The following KCNC2 variants were observed in gnomAD, a reference collection of about 807,000 sequenced individuals.
The protein encoded by KCNC2 is potassium voltage-gated channel subfamily C member 2, also known as voltage-gated potassium channel KCNC2.
Under a neutral mutation model 44.5 loss-of-function variants are expected in KCNC2, and 21 were observed. The ratio of observed to expected loss-of-function variants is 0.47; its 90% CI spans 0.33 to 0.68. KCNC2 has a LOEUF of 0.68. Among genes scored for constraint, KCNC2 ranks in the 30% least tolerant of loss-of-function variants. The probability of loss-of-function intolerance (pLI) is 0.01; values close to 1 mark genes in which losing one functional copy is unlikely to be tolerated. For synonymous variants in KCNC2, 391 were observed against 339.1 expected (o/e 1.15, Z -1.68); for missense variants, 589 against 826.2 (o/e 0.71, Z 3.52).
At chr12:75,092,004 A>G (rs1885521420) in intron 2 of KCNC2, among the ~76,000 whole-genome samples, 1 of 151,690 alleles carries the variant, frequency 6.6e-6, no homozygotes, top group African/African-American at 2.4e-5. Flanking sequence ...TCCCTTAAAT[A>G]TCAGGATCAT....
chr12:75,133,850 T>C (rs776955514), intron 2 of KCNC2, among the ~76,000 whole-genome samples: 12 of 151,004 alleles, frequency 7.9e-5, no homozygotes, highest in Admixed American at 3.3e-4. Flanking sequence ...AACAAGAGAG[T>C]GATGAAACAA....
At chr12:75,067,630 A>G (rs1173714914) in intron 2 of KCNC2, among the ~76,000 whole-genome samples, 1 of 152,166 alleles carries the variant, frequency 6.6e-6, no homozygotes, top group African/African-American at 2.4e-5. Context: ...GAAAAATAAT[A>G]TCCAAAATCT....
At chr12:75,111,449 T>C (rs1887234599) in intron 2 of KCNC2, among the ~76,000 whole-genome samples, 1 of 152,126 alleles carries the variant, frequency 6.6e-6, no homozygotes, top group Non-Finnish European at 1.5e-5. Flanking sequence ...AACAATTGTG[T>C]ACACATTTCC....
intron 2 of KCNC2, among the ~76,000 whole-genome samples, chr12:75,160,525 C>T (rs1891054595): frequency 1.3e-5 from 2 of 151,894 alleles, no homozygotes; most frequent in South Asian, 2.1e-4. Context: ...AGTTCTATAA[C>T]TCAAATGATT....
intron 2 of KCNC2, among the ~76,000 whole-genome samples, chr12:75,057,102 A>G (rs986594957): frequency 2.6e-5 from 4 of 152,050 alleles, no homozygotes; most frequent in Non-Finnish European, 2.9e-5. Flanking sequence ...CAAAATTCAA[A>G]GTAAGTAATA....
chr12:75,058,567 C>T (rs1203509329), intron 2 of KCNC2, among the ~76,000 whole-genome samples: 2 of 152,050 alleles, frequency 1.3e-5, no homozygotes, highest in African/African-American at 4.8e-5. Flanking sequence ...AGCTTACAAA[C>T]ACCTGCTGAA....
chr12:75,206,010 CAATGCTTT>C (rs1398115016), intron 2 of KCNC2, among the ~76,000 whole-genome samples: 5 of 151,900 alleles, frequency 3.3e-5, no homozygotes, highest in African/African-American at 1.2e-4. Flanking sequence ...AAAGGAGTAG[CAATGCTTT>C]AAATTGTCTC....
intron 2 of KCNC2, among the ~76,000 whole-genome samples, chr12:75,063,399 G>A (rs915894697): frequency 1.3e-5 from 2 of 151,940 alleles, no homozygotes; most frequent in East Asian, 1.9e-4. Context: ...GGATTGAATT[G>A]ATTCAATCCA....
chr12:75,149,683 C>A (rs1191695036), intron 2 of KCNC2, among the ~76,000 whole-genome samples: 1 of 151,230 alleles, frequency 6.6e-6, no homozygotes, highest in Admixed American at 6.6e-5. Context: ...TTGAATTGTG[C>A]CCCAGAATTT....
chr12:75,105,525 C>T (rs139911725), intron 2 of KCNC2, among the ~76,000 whole-genome samples: 6 of 152,174 alleles, frequency 3.9e-5, no homozygotes, highest in Non-Finnish European at 7.4e-5. Context: ...GCAGGAGGCC[C>T]ATTAGAAAGC....
At chr12:75,129,272 C>T (rs2199076) in intron 2 of KCNC2, among the ~76,000 whole-genome samples, 19,345 of 152,132 alleles carry the variant, frequency 0.13, 1,371 homozygotes, top group Middle Eastern at 0.25. Context: ...ATGACGCTAA[C>T]AGGCTGCAGA....
At chr12:75,153,850 C>T (rs1400571032) in intron 2 of KCNC2, among the ~76,000 whole-genome samples, 4 of 151,670 alleles carry the variant, frequency 2.6e-5, no homozygotes, top group African/African-American at 9.7e-5. Flanking sequence ...TGTCTTCACC[C>T]TCATTATCTT....
chr12:75,149,691 T>C (rs1890257913), intron 2 of KCNC2, among the ~76,000 whole-genome samples: 6 of 151,638 alleles, frequency 4.0e-5, no homozygotes, highest in Admixed American at 3.3e-4. Context: ...TGCCCCAGAA[T>C]TTAAAGTAAC....
At chr12:75,135,326 T>C (rs1296075544) in intron 2 of KCNC2, among the ~76,000 whole-genome samples, 14 of 151,884 alleles carry the variant, frequency 9.2e-5, no homozygotes, top group Non-Finnish European at 2.9e-5. Context: ...ATAATGATGG[T>C]AGTTAAATTA....
intron 2 of KCNC2, among the ~76,000 whole-genome samples, chr12:75,089,804 A>T (rs922686361): frequency 1.3e-4 from 19 of 151,854 alleles, no homozygotes; most frequent in African/African-American, 4.6e-4. Flanking sequence ...TTAAAATTCA[A>T]TAAAATTTAG....
At position 75,042,735 on chromosome 12, in the gene KCNC2, T is replaced by A. The variant is rs1336879463; in HGVS notation, c.*370A>T. The stretch of plus-strand genomic sequence containing the variant: ...CAGACATCTTCAGAATGGTTTACAG[T>A]CACAAGAAATAAAGTTCCAATGAAG... On this transcript the variant is annotated 3_prime_UTR_variant, in exon 5 of 5. Coordinates refer to ENST00000549446, the MANE Select transcript of KCNC2 (RefSeq NM_139137.4). 3.5e-6 allele frequency: 4 copies of A among 1,153,590 alleles called. No individual in the cohort carries two copies. The highest frequency in any genetic ancestry group is 4.3e-6 in the Non-Finnish European group (4 of 936,688). 71.5% of individuals were successfully genotyped at this position (1,153,590 alleles called of 1,614,324 possible).
intron 2 of KCNC2, among the ~76,000 whole-genome samples, chr12:75,068,309 C>T (rs1246607694): frequency 6.6e-6 from 1 of 152,076 alleles, no homozygotes; most frequent in Admixed American, 6.6e-5. Flanking sequence ...TTTTTGTATA[C>T]GTTTTAATGA....
intron 2 of KCNC2, among the ~76,000 whole-genome samples, chr12:75,181,104 G>A (rs1447474775): frequency 2.6e-5 from 4 of 151,970 alleles, no homozygotes; most frequent in Non-Finnish European, 5.9e-5. Context: ...TAAGAAGCTT[G>A]ACAAACTAGT....
chr12:75,147,229 G>T (rs1283157939), intron 2 of KCNC2, among the ~76,000 whole-genome samples: 1 of 152,004 alleles, frequency 6.6e-6, no homozygotes, highest in Non-Finnish European at 1.5e-5. Flanking sequence ...TGTGTGCAAG[G>T]TATTTACAGA....
Sources: gnomAD v4.1 joint callset for allele counts (sites outside exome capture counted in the v4.1 genomes callset) on GRCh38, gnomAD v4.1.1 for gene constraint, MANE v1.5 for transcripts, NCBI Gene and HGNC (gene_info 2026-07-23, HGNC 2026-07-21) for gene names.